The following ZMYND15 variants were observed in gnomAD, a reference collection of about 807,000 sequenced individuals.
The protein encoded by ZMYND15 is zinc finger MYND domain-containing protein 15.
ZMYND15 carries 54 observed loss-of-function variants against 81.7 expected under a neutral mutation model. The observed-to-expected ratio is 0.66, with a 90% CI of 0.53 to 0.83. ZMYND15 has a LOEUF of 0.83. ZMYND15 is among the 40% of genes least tolerant of loss of function. ZMYND15 has a pLI of 0.00. For synonymous variants in ZMYND15, 399 were observed against 387.0 expected (o/e 1.03, Z -0.36); for missense variants, 925 against 973.5 (o/e 0.95, Z 0.66).
In ZMYND15 at chr17:4,743,010, A is replaced by C. The variant is rs868529653; in HGVS notation, c.1145-293A>C. On this transcript the variant is annotated intron_variant, in intron 5 of 13. Coordinates refer to ENST00000433935, the MANE Select transcript of ZMYND15 (RefSeq NM_001136046.3). This position sits in a 1 kb window ranked among gnomAD's most constrained non-coding sequence, Gnocchi z 4.3. ...AATGGTTCACACCCGTAATCCCAGC[A>C]CTTTGGGAGGCCAACTTGAGCCCAG... Among the ~76,000 whole-genome samples, 13 of 152,134 alleles carry C rather than the reference A, an allele frequency of 8.5e-5. No homozygotes were observed. Among genetic ancestry groups the C allele is most frequent in the African/African-American group, 3.1e-4 (13 of 41,498 alleles).
At position 4,745,851 on chromosome 17, in the gene ZMYND15, A is replaced by G; in HGVS notation, c.2090A>G (p.Tyr697Cys). The change falls in exon 14 of 14, where the codon TAC (tyrosine) becomes TGC (cysteine). Residue 697 changes from tyrosine (Y) to cysteine (C), a missense_variant. By Grantham distance (194) the Tyr-to-Cys change is radical. Coordinates refer to ENST00000433935, the MANE Select transcript of ZMYND15 (RefSeq NM_001136046.3). The surrounding 1 kb of genome is among the most constrained non-coding windows in gnomAD (Gnocchi z 5.2). Reference protein sequence around the residue: ...YCNAFIFHLVYKPAQGSGARP... With the variant: ...YCNAFIFHLVCKPAQGSGARP... ...AATGCCTTCATCTTCCACCTGGTTT[A>G]CAAGCCTGCTCAAGGGAGCGGGGCC... The G allele has an allele frequency of 1.3e-6, 2 of 1,599,804 alleles. No homozygotes were observed. Among genetic ancestry groups the G allele is most frequent in the Non-Finnish European group, 1.7e-6 (2 of 1,174,830 alleles).
Position 4,744,044 on chromosome 17 carries a change from G to C in ZMYND15, c.1432G>C (p.Ala478Pro). ...GGGCCTCAGCTTGGACTCCCCCATA[G>C]CCGTGCTTCTCACCTACCCGCTGAC... is the stretch of plus-strand genomic sequence containing the variant. ...WRGLSLDSPI[A>P]VLLTYPLTVY... Residue 478 changes from alanine (A) to proline (P), a missense_variant, in exon 8 of 14, where the codon GCC becomes CCC. Ala to Pro is a conservative substitution (Grantham distance 27). Transcript: ENST00000433935. This position sits in a 1 kb window ranked among gnomAD's most constrained non-coding sequence, Gnocchi z 4.1. The C allele has an allele frequency of 1.9e-6, 3 of 1,554,554 alleles. No homozygotes were observed. Among genetic ancestry groups the C allele is most frequent in the Non-Finnish European group, 2.6e-6 (3 of 1,148,230 alleles).
chr17:4,742,195 ATACAGACTGT>A (rs1916457552), intron 4 of ZMYND15, 125 bp downstream of exon 4: 4 of 1,540,606 alleles, frequency 2.6e-6, no homozygotes, highest in South Asian at 1.2e-5. Flanking sequence ...AGAGGAAACA[ATACAGACTGT>A]TACAGGCGGT....
In ZMYND15 at chr17:4,741,816, G is replaced by C; in HGVS notation, c.827G>C (p.Arg276Pro). The change falls in exon 3 of 14, where the codon CGA becomes CCA. Residue 276 changes from arginine to proline, a missense_variant and splice_region_variant. Transcript: ENST00000433935. ...QLTVGDARLH[R>P]ELESLVPRLG... ...ACTGTGGGAGATGCCCGGCTGCATC[G>C]GTATAGAAATCTGGTATCTGAGGCT... 6.4e-7 allele frequency: 1 copy of C among 1,572,628 alleles called. No individual in the cohort carries two copies. Among genetic ancestry groups the C allele is most frequent in the East Asian group, 2.3e-5 (1 of 44,438 alleles).
At chr17:4,741,252 A>G in intron 2 of ZMYND15, 112 bp downstream of exon 2, 2 of 1,267,564 alleles carry the variant, frequency 1.6e-6, no homozygotes, top group Non-Finnish European at 2.1e-6. Context: ...CTGGCCTGAA[A>G]AGGTGTTTTT....
rs1266614960 is a variant in ZMYND15 at position 4,745,437 on chromosome 17, A to T, written c.2057+62A>T. On this transcript the variant is annotated intron_variant, in intron 13 of 13. Transcript: ENST00000433935. The surrounding 1 kb of genome is among the most constrained non-coding windows in gnomAD (Gnocchi z 5.2). ...AACTTCTCTTACTCTCTGGCTCCACATCCTCGAAGGCCCACCTCTACCCTA... is the reference window on the plus strand; with the variant it reads ...AACTTCTCTTACTCTCTGGCTCCACTTCCTCGAAGGCCCACCTCTACCCTA... The T allele has an allele frequency of 1.3e-6, 2 of 1,531,484 alleles. No individual in the cohort carries two copies. The highest frequency in any genetic ancestry group is 4.1e-5 in the Admixed American group (2 of 48,228). The allele number at this position is 1,531,484 out of a possible 1,614,324, so 94.9% of individuals were successfully genotyped here.
intron 1 of ZMYND15, 58 bp from the exon 2 acceptor site, chr17:4,740,461 G>A: frequency 6.9e-7 from 1 of 1,454,172 alleles, no homozygotes; most frequent in Non-Finnish European, 9.1e-7. Context: ...TTGTGACCCA[G>A]CCCCAAACTC....
At chr17:4,740,367 A>G (rs1421535720) in intron 1 of ZMYND15, 152 bp from the exon 2 acceptor site, 1 of 1,276,118 alleles carries the variant, frequency 7.8e-7, no homozygotes, top group Non-Finnish European at 1.0e-6. Flanking sequence ...TCCCATCCTC[A>G]GCCCTGAAAA....
rs1478312374 is a variant in ZMYND15, at chr17:4,743,118, T to G, written c.1145-185T>G. On this transcript the variant is annotated intron_variant, in intron 5 of 13. Transcript: ENST00000433935. This position sits in a 1 kb window ranked among gnomAD's most constrained non-coding sequence, Gnocchi z 4.3. ...TAGTCAGGCATGGTGCACTCGCTTG[T>G]GGTCACAATTCTCGGGAGACTGAGG... 6.6e-6 allele frequency among the ~76,000 whole-genome samples: 1 copy of G among 151,838 alleles called. No individual in the cohort carries two copies. Among genetic ancestry groups the G allele is most frequent in the Admixed American group, 6.6e-5 (1 of 15,202 alleles).
At chr17:4,741,892 A>AT in intron 3 of ZMYND15, 23 bp from the exon 4 acceptor site, 1 of 1,609,060 alleles carries the variant, frequency 6.2e-7, no homozygotes, top group Non-Finnish European at 8.5e-7. Flanking sequence ...GCCTGATGCC[A>AT]TCTCCCCCCC....
rs767830650 is a variant in ZMYND15 at position 4,745,276 on chromosome 17, A to G, written c.1958A>G (p.Gln653Arg). 2 of 1,613,160 alleles carry G rather than the reference A, an allele frequency of 1.2e-6. No homozygotes were observed. Among genetic ancestry groups the G allele is most frequent in the East Asian group, 2.2e-5 (1 of 44,764 alleles). ...SSEYSCVMDGQTMAVATGGGT... is the reference protein window; with the variant it reads ...SSEYSCVMDGRTMAVATGGGT... ...GAGTACAGCTGTGTGATGGACGGCC[A>G]GACCATGGCGGTGGCCACTGGAGGG... Residue 653 changes from glutamine to arginine, a missense_variant, in exon 13 of 14, where the codon CAG becomes CGG. Physicochemically the swap from Gln to Arg is conservative, Grantham distance 43 (BLOSUM62 1). Transcript: ENST00000433935. The surrounding 1 kb of genome is among the most constrained non-coding windows in gnomAD (Gnocchi z 5.2).
chr17:4,745,738 C>T lies in ZMYND15; in HGVS notation c.2058-81C>T. 1.7e-6 allele frequency: 2 copies of T among 1,203,470 alleles called. No individual in the cohort carries two copies. Among genetic ancestry groups the T allele is most frequent in the East Asian group, 2.6e-5 (1 of 38,138 alleles). The allele number at this position is 1,203,470 out of a possible 1,614,324, so 74.5% of individuals were successfully genotyped here. ...CCGCCCCCTGGTCCCTGACCGCGCC[C>T]CTGGGAGCCCCGACCCCTGGGAGCG... is the stretch of plus-strand genomic sequence containing the variant. On this transcript the variant is annotated intron_variant, in intron 13 of 13. Coordinates refer to ENST00000433935, the MANE Select transcript of ZMYND15 (RefSeq NM_001136046.3). The surrounding 1 kb of genome is among the most constrained non-coding windows in gnomAD (Gnocchi z 5.2).
At chr17:4,741,238 C>A in intron 2 of ZMYND15, 98 bp downstream of exon 2, 1 of 1,315,216 alleles carries the variant, frequency 7.6e-7, no homozygotes, top group Non-Finnish European at 9.9e-7. Flanking sequence ...GCCTTCAGGC[C>A]AATCTGGCCT....
In ZMYND15 at chr17:4,740,853, C is replaced by T. The variant is rs966698759; in HGVS notation, c.305C>T (p.Pro102Leu). The stretch of plus-strand genomic sequence containing the variant: ...CCACTCCACCTGCGAGACCTGAGCC[C>T]CTACATCAGCTTTGTCAGCCTAGAG... ...NPPLHLRDLSPYISFVSLEDG... is the reference protein window; with the variant it reads ...NPPLHLRDLSLYISFVSLEDG... Residue 102 changes from proline (P) to leucine (L), a missense_variant, in exon 2 of 14, where the codon CCC (proline) becomes CTC (leucine). Coordinates refer to ENST00000433935, the MANE Select transcript of ZMYND15 (RefSeq NM_001136046.3). The T allele has an allele frequency of 6.3e-6, 10 of 1,575,258 alleles. No individual in the cohort carries two copies. The highest frequency in any genetic ancestry group is 1.2e-5 in the South Asian group (1 of 85,754).
chr17:4,746,096 A>G lies in ZMYND15; in HGVS notation c.*106A>G, dbSNP rs1916657578. On this transcript the variant is annotated 3_prime_UTR_variant, in exon 14 of 14. Transcript: ENST00000433935. ...GTTGGTAAAACATGAAAAGGTAAAT[A>G]AAATTACTTGTTTGAAACCACTGAG... 1 of 1,202,278 alleles carries G rather than the reference A, an allele frequency of 8.3e-7. No homozygotes were observed. Among genetic ancestry groups the G allele is most frequent in the Admixed American group, 3.9e-5 (1 of 25,972 alleles). 74.5% of individuals were successfully genotyped at this position (1,202,278 alleles called of 1,614,324 possible).
Position 4,745,475 on chromosome 17 carries a change from C to T in ZMYND15, c.2057+100C>T. On this transcript the variant is annotated intron_variant, in intron 13 of 13. Coordinates refer to ENST00000433935, the MANE Select transcript of ZMYND15 (RefSeq NM_001136046.3). This position sits in a 1 kb window ranked among gnomAD's most constrained non-coding sequence, Gnocchi z 5.2. ...CACCTCTACCCTAGTCCCTGCTGTC[C>T]TGGGGCCCTCCTGCCCCCAGCCCAG... 6 of 1,428,060 alleles carry T rather than the reference C, an allele frequency of 4.2e-6. No individual in the cohort carries two copies. Among genetic ancestry groups the T allele is most frequent in the Non-Finnish European group, 5.6e-6 (6 of 1,061,986 alleles). 88.5% of individuals were successfully genotyped at this position (1,428,060 alleles called of 1,614,324 possible). A position where few individuals can be genotyped will look rare whatever the true frequency, so the allele number is the denominator to read the frequency against.
chr17:4,740,189 C>A, intron 1 of ZMYND15, 139 bp downstream of exon 1: 1 of 639,126 alleles, frequency 1.6e-6, no homozygotes, highest in Non-Finnish European at 2.0e-6. Flanking sequence ...CCCACCAAAC[C>A]GTTCCCGATA....
chr17:4,741,367 C>T (rs1042215050), intron 2 of ZMYND15, among the ~76,000 whole-genome samples: 1 of 152,122 alleles, frequency 6.6e-6, no homozygotes, highest in African/African-American at 2.4e-5. Context: ...AAATCTCAAG[C>T]TCTGACAGTG....
chr17:4,741,457 C>A, intron 2 of ZMYND15, 125 bp from the exon 3 acceptor site: 1 of 1,072,980 alleles, frequency 9.3e-7, no homozygotes, highest in Non-Finnish European at 1.4e-6. Flanking sequence ...CCTCTCTACC[C>A]AGAGCCCTTT....
Sources: gnomAD v4.1 joint callset for allele counts (sites outside exome capture counted in the v4.1 genomes callset) on GRCh38, gnomAD v4.1.1 for gene constraint, Gnocchi (gnomAD v3.1) non-coding constraint, MANE v1.5 for transcripts, NCBI Gene and HGNC (gene_info 2026-07-23, HGNC 2026-07-21) for gene names.